Variants in LDHC observed in about 807,000 individuals in gnomAD.
The protein encoded by LDHC is L-lactate dehydrogenase C chain.
In LDHC, 20 loss-of-function variants were observed where a neutral mutation model predicts 30.2. That is an observed-to-expected ratio of 0.66 (90% confidence interval 0.47 to 0.96). The LOEUF (loss-of-function observed/expected upper bound fraction) is 0.96. Ranked by LOEUF, LDHC falls within the 40% of genes least tolerant of loss-of-function variation. The pLI is 0.00. For synonymous variants in LDHC, 139 were observed against 132.7 expected, an observed-to-expected ratio of 1.05 and a Z score of -0.32; for missense variants, 362 against 394.9, an observed-to-expected ratio of 0.92 and a Z score of 0.71.
At chr11:18,428,166 C>CTTTTTTTTTTTTTTTTTTTTTTTT (rs35861956) in intron 3 of LDHC, among the ~76,000 whole-genome samples, 2 of 94,830 alleles carry the variant, frequency 2.1e-5, no homozygotes, top group African/African-American at 4.4e-5. Context: ...CTTTCTCTCT[C>CTTTTTTTTTTTTTTTTTTTTTTTT]TTTTTTTTTT....
chr11:18,437,758 AAAAAAAAAAG>A (rs1848382088), intron 5 of LDHC, among the ~76,000 whole-genome samples: 1 of 150,796 alleles, frequency 6.6e-6, no homozygotes, highest in Non-Finnish European at 1.5e-5. Flanking sequence ...TCTCAAAAAA[AAAAAAAAAAG>A]AAAAAGAAAT....
At chr11:18,421,007 A>G (rs1848037620) in intron 3 of LDHC, among the ~76,000 whole-genome samples, 2 of 152,122 alleles carry the variant, frequency 1.3e-5, no homozygotes, top group African/African-American at 4.8e-5. Context: ...TTGAACTTTG[A>G]TAAGTTAAAA....
At chr11:18,450,747 A>G in intron 7 of LDHC, 3 of 432,560 alleles carry the variant, frequency 6.9e-6, no homozygotes, top group Non-Finnish European at 1.2e-5. Context: ...GTCCTTCTAA[A>G]GGCCTCTGGC....
In LDHC at chr11:18,429,794, A is replaced by T; in HGVS notation, c.302A>T (p.Gln101Leu). The change falls in exon 4 of 8, where the codon CAG becomes CTG. Residue 101 changes from glutamine (Q) to leucine (L), a missense_variant. Physicochemically the swap from Gln to Leu is moderately radical, Grantham distance 113. Transcript: ENST00000541669. ...IVIVTAGARQ[Q>L]EGETRLALVQ... ...ATTGTCACAGCAGGTGCAAGGCAGCAGGAGGGAGAAACTCGCCTTGCCCTG... is the reference window on the plus strand; with the variant it reads ...ATTGTCACAGCAGGTGCAAGGCAGCTGGAGGGAGAAACTCGCCTTGCCCTG... 6.2e-7 allele frequency: 1 copy of T among 1,612,668 alleles called. No homozygotes were observed. The highest frequency in any genetic ancestry group is 1.7e-5 in the Admixed American group (1 of 60,008).
chr11:18,445,329 C>T (rs934892093), intron 6 of LDHC, among the ~76,000 whole-genome samples: 12 of 152,144 alleles, frequency 7.9e-5, no homozygotes, highest in African/African-American at 2.9e-4. Context: ...GCTGGGACTA[C>T]AGGCATATAC....
intron 6 of LDHC, among the ~76,000 whole-genome samples, chr11:18,443,561 G>A (rs1311378433): frequency 2.7e-5 from 4 of 150,440 alleles, no homozygotes; most frequent in African/African-American, 2.5e-5. Context: ...CCAGGCTCAA[G>A]CCATCCTCAC....
At position 18,432,668 on chromosome 11, in the gene LDHC, G is replaced by A. The variant is rs184924195; in HGVS notation, c.419-2072G>A. Among the ~76,000 whole-genome samples, 271 of 152,212 alleles carry A rather than the reference G, an allele frequency of 1.8e-3. 1 individual carries two copies. The highest frequency in any genetic ancestry group is 2.1e-3 in the Non-Finnish European group (142 of 68,018). ...CATTGTTAGGTGCATATATGTTTAGGACTGTGATATTTTCCTGTTGGACAA... is the reference window on the plus strand; with the variant it reads ...CATTGTTAGGTGCATATATGTTTAGAACTGTGATATTTTCCTGTTGGACAA... On this transcript the variant is annotated intron_variant, in intron 4 of 7. Transcript: ENST00000541669.
At chr11:18,449,052 GAA>G (rs1283498586) in intron 7 of LDHC, among the ~76,000 whole-genome samples, 1 of 151,932 alleles carries the variant, frequency 6.6e-6, no homozygotes, top group African/African-American at 2.4e-5. Context: ...CTTCTAGAGA[GAA>G]GAGAGATGAC....
chr11:18,422,144 A>G (rs1213980398), intron 3 of LDHC, among the ~76,000 whole-genome samples: 2 of 152,124 alleles, frequency 1.3e-5, no homozygotes, highest in Non-Finnish European at 2.9e-5. Flanking sequence ...AAAATTAGTA[A>G]AGAGAAAGAA....
intron 3 of LDHC, among the ~76,000 whole-genome samples, chr11:18,416,460 C>T (rs1867024386): frequency 6.6e-6 from 1 of 152,174 alleles, no homozygotes; most frequent in Non-Finnish European, 1.5e-5. Context: ...AACAGATATA[C>T]TTTCTACTAG....
intron 4 of LDHC, among the ~76,000 whole-genome samples, chr11:18,431,552 G>T (rs547960643): frequency 1.3e-5 from 2 of 152,072 alleles, no homozygotes; most frequent in African/African-American, 4.8e-5. Flanking sequence ...GTTTTGTTTT[G>T]TTTTTTTGTT....
chr11:18,431,688 G>T (rs188954723), intron 4 of LDHC, among the ~76,000 whole-genome samples: 2 of 151,964 alleles, frequency 1.3e-5, no homozygotes, highest in Non-Finnish European at 2.9e-5. Context: ...GGGACTGCAG[G>T]TGCACACCAC....
intron 5 of LDHC, among the ~76,000 whole-genome samples, chr11:18,436,307 A>G (rs1209052679): frequency 2.6e-5 from 4 of 151,964 alleles, no homozygotes; most frequent in African/African-American, 9.7e-5. Context: ...TCTATTTAGC[A>G]TGATTTTTCG....
intron 4 of LDHC, 127 bp downstream of exon 4, chr11:18,430,037 G>A (rs1304364220): frequency 1.1e-5 from 6 of 527,990 alleles, no homozygotes; most frequent in East Asian, 3.0e-5. Flanking sequence ...TATATAACGC[G>A]ATGAGTTTTG....
At chr11:18,434,319 G>A (rs915855702) in intron 4 of LDHC, among the ~76,000 whole-genome samples, 1 of 151,814 alleles carries the variant, frequency 6.6e-6, no homozygotes, top group African/African-American at 2.4e-5. Flanking sequence ...GGTAAACCAG[G>A]GATTTCTTCT....
chr11:18,421,420 T>C (rs1299362764), intron 3 of LDHC, among the ~76,000 whole-genome samples: 3 of 146,864 alleles, frequency 2.0e-5, no homozygotes, highest in Non-Finnish European at 4.6e-5. Flanking sequence ...ACGCCAGTAA[T>C]CCTAGAACTT....
chr11:18,432,555 C>T (rs888569979), intron 4 of LDHC, among the ~76,000 whole-genome samples: 2 of 148,562 alleles, frequency 1.3e-5, no homozygotes, highest in African/African-American at 2.5e-5. Flanking sequence ...TTGCTGTCAG[C>T]GGAGTATTGA....
At position 18,438,994 on chromosome 11, in the gene LDHC, G is replaced by A. The variant is rs116187132; in HGVS notation, c.710+349G>A. ...TATCAGAAGTTGTTTACTTATCTTC[G>A]AAATGGGGATAATTATAGAACCTAC... On this transcript the variant is annotated intron_variant, in intron 6 of 7. Transcript: ENST00000541669. 4.6e-3 allele frequency among the ~76,000 whole-genome samples: 694 copies of A among 152,202 alleles called. 5 individuals carry two copies. Among genetic ancestry groups the A allele is most frequent in the Middle Eastern group, 0.017 (5 of 294 alleles).
intron 3 of LDHC, among the ~76,000 whole-genome samples, chr11:18,422,256 T>A (rs1388006826): frequency 1.1e-5 from 1 of 93,808 alleles, no homozygotes. Context: ...ACAGACAAAG[T>A]TAGTAATCAG....
Sources: allele counts gnomAD v4.1 joint callset (sites outside exome capture counted in the v4.1 genomes callset), GRCh38; gene constraint gnomAD v4.1.1; transcripts MANE v1.5; gene names NCBI Gene and HGNC (gene_info 2026-07-23, HGNC 2026-07-21).